Variants in ZIM2 observed in about 807,000 individuals in gnomAD.
The protein encoded by ZIM2 is zinc finger protein 656.
A neutral mutation model predicts 38.6 loss-of-function variants in ZIM2; 14 were observed. The observed-to-expected ratio is 0.36, with a 90% confidence interval of 0.24 to 0.57. The LOEUF (loss-of-function observed/expected upper bound fraction) is 0.57. Ranked by LOEUF, ZIM2 falls within the 20% of genes least tolerant of loss-of-function variation. The pLI, the probability that ZIM2 is intolerant of heterozygous loss-of-function variation, is 0.81. For missense variants in ZIM2, 680 were observed against 695.1 expected (o/e 0.98, Z 0.24); for synonymous variants, 247 against 245.8 (o/e 1.00, Z -0.04).
At position 56,801,316 on chromosome 19, in the gene ZIM2, C is replaced by T. The variant is rs1211641104; in HGVS notation, c.491-11365G>A. On this transcript the variant is annotated intron_variant, in intron 9 of 12. Coordinates refer to ENST00000629319, the MANE Select transcript of ZIM2 (RefSeq NM_001387356.1). ...TCTATAATCTTTGACCTATAGCTCC[C>T]TTATCCTCAGTGGCCTCTGCAGGCA... Among the ~76,000 whole-genome samples, 3 of 152,106 alleles carry T rather than the reference C, an allele frequency of 2.0e-5. No homozygotes were observed. In the East Asian group the frequency reaches 5.8e-4, roughly 29 times the overall value.
At chr19:56,836,969 C>CAAAAA (rs573566620) in intron 1 of ZIM2, among the ~76,000 whole-genome samples, 56 of 116,954 alleles carry the variant, frequency 4.8e-4, no homozygotes, top group Non-Finnish European at 5.9e-4. Flanking sequence ...GACTCTGTCT[C>CAAAAA]AAAAAAAAAA....
intron 4 of ZIM2, 31 bp from the exon 5 acceptor site, chr19:56,823,710 C>A (rs1265853346): frequency 1.2e-5 from 19 of 1,612,056 alleles, no homozygotes; most frequent in Non-Finnish European, 1.5e-5. Context: ...AAGTTACTAT[C>A]TCTGGCCCAC....
intron 1 of ZIM2, among the ~76,000 whole-genome samples, chr19:56,838,061 G>A (rs1268311760): frequency 6.6e-6 from 1 of 152,228 alleles, no homozygotes; most frequent in African/African-American, 2.4e-5. Context: ...GATGGCACCT[G>A]CACAGTACAC....
chr19:56,782,838 T>C (rs1306216649), intron 10 of ZIM2, among the ~76,000 whole-genome samples: 1 of 152,120 alleles, frequency 6.6e-6, no homozygotes, highest in African/African-American at 2.4e-5. Flanking sequence ...TCCATCCCCT[T>C]AGGCATTTAT....
chr19:56,778,837 G>A (rs575407707), intron 12 of ZIM2, among the ~76,000 whole-genome samples: 1 of 152,280 alleles, frequency 6.6e-6, no homozygotes, highest in African/African-American at 2.4e-5. Flanking sequence ...TAGCCATAGA[G>A]TTTGGAGGAG....
intron 8 of ZIM2, 109 bp downstream of exon 8, chr19:56,818,491 G>T: frequency 8.7e-7 from 1 of 1,148,604 alleles, no homozygotes; most frequent in Non-Finnish European, 1.2e-6. Flanking sequence ...TATTACCCTT[G>T]AAGTCCAAAT....
intron 9 of ZIM2, among the ~76,000 whole-genome samples, chr19:56,801,100 A>G (rs1048523399): frequency 8.6e-5 from 13 of 151,564 alleles, no homozygotes; most frequent in Non-Finnish European, 1.9e-4. Context: ...ATGCCCGGCT[A>G]ATTTTTTTGT....
chr19:56,800,573 A>G (rs568773500), intron 9 of ZIM2, among the ~76,000 whole-genome samples: 44 of 152,266 alleles, frequency 2.9e-4, no homozygotes, highest in Admixed American at 4.6e-4. Context: ...AAAGTTATTT[A>G]TTTAAAAAGG....
At chr19:56,819,000 T>A (rs1028443999) in intron 7 of ZIM2, among the ~76,000 whole-genome samples, 1 of 152,054 alleles carries the variant, frequency 6.6e-6, no homozygotes. Flanking sequence ...AAACAATAAA[T>A]CGGGGTACAG....
At chr19:56,839,016 G>C (rs1167126203) in intron 1 of ZIM2, among the ~76,000 whole-genome samples, 5 of 152,090 alleles carry the variant, frequency 3.3e-5, no homozygotes, top group Non-Finnish European at 5.9e-5. Flanking sequence ...GGCAACGCCT[G>C]CGCGGCAAAC....
intron 9 of ZIM2, chr19:56,813,277 C>T: frequency 1.1e-6 from 1 of 938,690 alleles, no homozygotes; most frequent in Non-Finnish European, 1.3e-6. Flanking sequence ...TCATATAAAT[C>T]CAAATATATG....
At chr19:56,827,349 T>C (rs905215180) in intron 2 of ZIM2, among the ~76,000 whole-genome samples, 7 of 152,008 alleles carry the variant, frequency 4.6e-5, no homozygotes, top group East Asian at 1.9e-4. Flanking sequence ...ACCAGGCCAA[T>C]AGAACTTGGC....
chr19:56,824,648 G>A, intron 3 of ZIM2: 1 of 1,595,304 alleles, frequency 6.3e-7, no homozygotes, highest in South Asian at 1.1e-5. Context: ...GTGCTTTGGA[G>A]GCAGCATTTC....
chr19:56,839,550 G>A (rs755172556), intron 1 of ZIM2, among the ~76,000 whole-genome samples: 8 of 150,026 alleles, frequency 5.3e-5, no homozygotes, highest in East Asian at 2.0e-4. Flanking sequence ...CAAACATGGC[G>A]TCAAAGCGGG....
Position 56,810,501 on chromosome 19 carries a change from T to C in ZIM2, c.490+7245A>G, listed in dbSNP as rs1399319595. 3.0e-6 allele frequency: 3 copies of C among 984,980 alleles called. No individual in the cohort carries two copies. In the Admixed American group the frequency reaches 1.8e-4, roughly 61 times the overall value. The allele number at this position is 984,980 out of a possible 1,614,324, so 61.0% of individuals were successfully genotyped here. On this transcript the variant is annotated intron_variant, in intron 9 of 12. Coordinates refer to ENST00000629319, the MANE Select transcript of ZIM2 (RefSeq NM_001387356.1). Reference sequence around the variant, plus strand: ...CACAGATCAAGATGTTAACAGTTAATTGTTGTTGGGTGTTGGGAATATGTG... The same window carrying C: ...CACAGATCAAGATGTTAACAGTTAACTGTTGTTGGGTGTTGGGAATATGTG...
In ZIM2 at chr19:56,812,167, A is replaced by C. The variant is rs1257795646; in HGVS notation, c.490+5579T>G. The C allele has an allele frequency of 6.2e-6, 6 of 963,388 alleles. No homozygotes were observed. The Admixed American group carries it at 3.1e-4, about 50-fold the overall frequency. 59.7% of individuals were successfully genotyped at this position (963,388 alleles called of 1,614,324 possible). A position where few individuals can be genotyped will look rare whatever the true frequency, so the allele number is the denominator to read the frequency against. On this transcript the variant is annotated intron_variant, in intron 9 of 12. Coordinates refer to ENST00000629319, the MANE Select transcript of ZIM2 (RefSeq NM_001387356.1). Reference sequence around the variant, plus strand: ...TTTTTTTTCCAGCCAACTCAAGGCCAAAAAAAATTTCTTAATATAGTTATT... The same window carrying C: ...TTTTTTTTCCAGCCAACTCAAGGCCCAAAAAAATTTCTTAATATAGTTATT...
At chr19:56,837,427 T>C (rs1286148102) in intron 1 of ZIM2, among the ~76,000 whole-genome samples, 2 of 152,192 alleles carry the variant, frequency 1.3e-5, no homozygotes, top group African/African-American at 4.8e-5. Context: ...CACAGCCCAC[T>C]TCCTCCATTT....
Position 56,775,031 on chromosome 19 carries a change from C to T in ZIM2, c.1334G>A (p.Cys445Tyr). 1.2e-6 allele frequency: 2 copies of T among 1,614,148 alleles called. No individual in the cohort carries two copies. Among genetic ancestry groups the T allele is most frequent in the Non-Finnish European group, 1.7e-6 (2 of 1,180,016 alleles). ...RIHSQEDYFE[C>Y]FQCGKAFLQN... is the part of the protein sequence containing the mutation. ...GAGAAAAGCTTTGCCGCACTGAAAACATTCAAAGTAGTCCTCCTGACTGTG... is the reference window on the plus strand; with the variant it reads ...GAGAAAAGCTTTGCCGCACTGAAAATATTCAAAGTAGTCCTCCTGACTGTG... Residue 445 changes from cysteine (C) to tyrosine (Y), a missense_variant, in exon 13 of 13, where the codon TGT becomes TAT. Transcript: ENST00000629319.
At chr19:56,806,181 TTTAAA>T (rs1406210693) in intron 9 of ZIM2, among the ~76,000 whole-genome samples, 1 of 152,236 alleles carries the variant, frequency 6.6e-6, no homozygotes, top group Non-Finnish European at 1.5e-5. Flanking sequence ...TCCCATGAGC[TTTAAA>T]TTATTTCCCA....
Sources: gnomAD v4.1 joint callset for allele counts (sites outside exome capture counted in the v4.1 genomes callset) on GRCh38, gnomAD v4.1.1 for gene constraint, MANE v1.5 for transcripts, NCBI Gene and HGNC (gene_info 2026-07-23, HGNC 2026-07-21) for gene names.